RAP1GAP2: variants seen among roughly 807,000 people sequenced by gnomAD.
RAP1GAP2 encodes rap1 GTPase-activating protein 2.
RAP1GAP2 carries 27 observed loss-of-function variants against 95.0 expected under a neutral mutation model. The observed-to-expected ratio is 0.28, with a 90% CI of 0.21 to 0.39. RAP1GAP2 has a LOEUF of 0.39. Among genes scored for constraint, RAP1GAP2 ranks in the 10% least tolerant of loss-of-function variants. The pLI is 1.00. For synonymous variants in RAP1GAP2, 373 were observed against 380.9 expected (o/e 0.98, Z 0.24); for missense variants, 771 against 970.0 (o/e 0.79, Z 2.72).
intron 2 of RAP1GAP2, among the ~76,000 whole-genome samples, chr17:2,802,584 A>G (rs1185638087): frequency 1.3e-5 from 2 of 152,064 alleles, no homozygotes; most frequent in Non-Finnish European, 2.9e-5. Flanking sequence ...GGTGGCGGGC[A>G]CCTGTAATCC....
At chr17:2,805,489 G>T (rs989806009) in intron 2 of RAP1GAP2, among the ~76,000 whole-genome samples, 1 of 152,066 alleles carries the variant, frequency 6.6e-6, no homozygotes, top group African/African-American at 2.4e-5. Flanking sequence ...CCAAGTAGCT[G>T]GGATTACAGG....
chr17:2,911,535 A>G (rs2042381863), intron 3 of RAP1GAP2, among the ~76,000 whole-genome samples: 3 of 151,968 alleles, frequency 2.0e-5, no homozygotes. Context: ...CCTGGGTCAC[A>G]TCGAAGCTGC....
upstream of RAP1GAP2, among the ~76,000 whole-genome samples, chr17:2,794,891 T>C (rs1384996252): frequency 6.8e-6 from 1 of 147,000 alleles, no homozygotes; most frequent in Admixed American, 6.8e-5. Context: ...TTTTTTTTTT[T>C]TTGAGATGGA....
intron 17 of RAP1GAP2, among the ~76,000 whole-genome samples, chr17:3,013,632 C>CTTTTTTTTTTTTTTTTT (rs998163717): frequency 2.5e-5 from 2 of 78,878 alleles, no homozygotes; most frequent in Non-Finnish European, 4.4e-5. Context: ...CTTTTCTTTT[C>CTTTTTTTTTTTTTTTTT]TTTTTTTTTT....
intron 8 of RAP1GAP2, among the ~76,000 whole-genome samples, chr17:2,970,205 C>T (rs1453380303): frequency 7.2e-6 from 1 of 138,338 alleles, no homozygotes; most frequent in Non-Finnish European, 1.5e-5. Flanking sequence ...ACCCGGGATG[C>T]GCAGGTTGCA....
At chr17:2,869,727 G>T (rs776289214) in intron 2 of RAP1GAP2, among the ~76,000 whole-genome samples, 4 of 152,256 alleles carry the variant, frequency 2.6e-5, no homozygotes, top group African/African-American at 9.6e-5. Context: ...GGTCCCGGGA[G>T]CAGGTGCGGG....
In RAP1GAP2 at chr17:3,018,206, C is replaced by G; in HGVS notation, c.1632+8C>G. The G allele has an allele frequency of 1.9e-6, 3 of 1,556,880 alleles. No individual in the cohort carries two copies. Among genetic ancestry groups the G allele is most frequent in the Non-Finnish European group, 2.6e-6 (3 of 1,152,270 alleles). On this transcript the variant is annotated splice_region_variant and intron_variant, in intron 18 of 24. Transcript: ENST00000254695. ...ACCAAGACCACCTTCTCGGTGAGTG[C>G]TGGCAGGCCCCGGGGCGGCAAGTGG...
At chr17:2,886,161 G>A (rs4790378) in intron 2 of RAP1GAP2, among the ~76,000 whole-genome samples, 98,044 of 124,244 alleles carry the variant, frequency 0.79, 37,790 homozygotes, top group East Asian at 0.93. Flanking sequence ...GTGTGTGTGT[G>A]TATATATATA....
intron 3 of RAP1GAP2, among the ~76,000 whole-genome samples, chr17:2,939,920 C>T (rs1044392238): frequency 1.1e-4 from 17 of 152,222 alleles, no homozygotes; most frequent in African/African-American, 4.8e-5. Context: ...GGCGGACACC[C>T]GAGTCCTGTA....
chr17:2,770,077 C>CAAAAAA (rs533020473), intron 1 of RAP1GAP2, among the ~76,000 whole-genome samples: 68 of 98,002 alleles, frequency 6.9e-4, no homozygotes, highest in East Asian at 1.7e-3. Context: ...GGTCTCAAAA[C>CAAAAAA]AAAAAAAAAA....
At chr17:2,981,010 G>A (rs1380653607) in intron 9 of RAP1GAP2, among the ~76,000 whole-genome samples, 185 bp from the exon 10 acceptor site, 1 of 152,114 alleles carries the variant, frequency 6.6e-6, no homozygotes, top group Non-Finnish European at 1.5e-5. Flanking sequence ...CACTTCATCA[G>A]CAAACCCCAG....
In RAP1GAP2 at chr17:3,004,735, C is replaced by T. The variant is rs1325848685; in HGVS notation, c.1201-634C>T. On this transcript the variant is annotated intron_variant, in intron 14 of 24. Coordinates refer to ENST00000254695, the MANE Select transcript of RAP1GAP2 (RefSeq NM_015085.5). This position sits in a 1 kb window ranked among gnomAD's most constrained non-coding sequence, Gnocchi z 4.1. ...GGGCCAGGGCTCCCGAACACGGGTC[C>T]ACCGGCTGCACGAGAGTTTCCGGGG... Among the ~76,000 whole-genome samples, 1 of 152,252 alleles carries T rather than the reference C, an allele frequency of 6.6e-6. No individual in the cohort carries two copies. Among genetic ancestry groups the T allele is most frequent in the Non-Finnish European group, 1.5e-5 (1 of 68,040 alleles).
chr17:2,998,171 T>G, intron 13 of RAP1GAP2, 50 bp from the exon 14 acceptor site: 1 of 1,576,736 alleles, frequency 6.3e-7, no homozygotes, highest in Non-Finnish European at 8.7e-7. Flanking sequence ...CCAAAACATC[T>G]TTCATGATTT....
chr17:2,794,873 T>A, upstream of RAP1GAP2, among the ~76,000 whole-genome samples: 1 of 4,854 alleles, frequency 2.1e-4, no homozygotes, highest in South Asian at 0.013. Flanking sequence ...TTTTTTCCTT[T>A]TTTTTTTTTT....
intron 2 of RAP1GAP2, among the ~76,000 whole-genome samples, chr17:2,819,520 C>A (rs1403653135): frequency 6.6e-6 from 1 of 151,796 alleles, no homozygotes; most frequent in Non-Finnish European, 1.5e-5. Context: ...GTCACCCAGG[C>A]TGGAGTGCAG....
At position 2,818,782 on chromosome 17, in the gene RAP1GAP2, C is replaced by G. The variant is rs536554618; in HGVS notation, c.80+18232C>G. On this transcript the variant is annotated intron_variant, in intron 2 of 24. Transcript: ENST00000254695. The stretch of plus-strand genomic sequence containing the variant: ...GATTGCCTGGGTTCAGATCTTGGCT[C>G]TGACACGCAGCAGCTGTGAGACCTC... Among the ~76,000 whole-genome samples the G allele has an allele frequency of 8.5e-5, 13 of 152,322 alleles. 1 individual carries two copies. In the East Asian group the frequency reaches 1.2e-3, roughly 14 times the overall value.
chr17:2,773,319 A>C (rs2068433889), upstream of RAP1GAP2, among the ~76,000 whole-genome samples: 1 of 152,208 alleles, frequency 6.6e-6, no homozygotes, highest in African/African-American at 2.4e-5. Flanking sequence ...TACTAGGGGA[A>C]GCTTTTTGCT....
chr17:3,014,064 C>T (rs557355995), intron 17 of RAP1GAP2, among the ~76,000 whole-genome samples: 67 of 151,404 alleles, frequency 4.4e-4, no homozygotes, highest in Non-Finnish European at 7.4e-4. Flanking sequence ...CGACACACGT[C>T]GGCTATAGAG....
Position 3,011,625 on chromosome 17 carries a change from T to C in RAP1GAP2, c.1494+3480T>C, listed in dbSNP as rs1383329589. The stretch of plus-strand genomic sequence containing the variant: ...CCTGTCAAAGTTTTTTTTTTTTTTT[T>C]TTTTTGAGATGGAGTTTTGCTCTTG... On this transcript the variant is annotated intron_variant, in intron 17 of 24. Transcript: ENST00000254695. 4.7e-5 allele frequency among the ~76,000 whole-genome samples: 7 copies of C among 149,816 alleles called. No individual in the cohort carries two copies. The East Asian group carries it at 1.4e-3, about 30-fold the overall frequency.
Sources: allele counts gnomAD v4.1 joint callset (sites outside exome capture counted in the v4.1 genomes callset), GRCh38; gene constraint gnomAD v4.1.1; non-coding constraint Gnocchi (gnomAD v3.1); transcripts MANE v1.5; gene names NCBI Gene and HGNC (gene_info 2026-07-23, HGNC 2026-07-21).